DNMT3A: variants seen among roughly 807,000 people sequenced by gnomAD.
DNMT3A encodes DNA (cytosine-5)-methyltransferase 3A.
In DNMT3A, 267 loss-of-function variants were observed where a neutral mutation model predicts 117.6. The ratio of observed to expected loss-of-function variants is 2.27; its 90% confidence interval spans 2.05 to 2.51. The LOEUF is 2.51. Among genes scored for constraint, DNMT3A ranks in the 30% most tolerant of loss-of-function variants. DNMT3A has a pLI of 0.00. For missense variants in DNMT3A, 1,029 were observed against 1,260.2 expected (o/e 0.82, Z 2.78); for synonymous variants, 432 against 474.8 (o/e 0.91, Z 1.17).
At chr2:25,244,489 G>C in intron 14 of DNMT3A, 51 bp downstream of exon 14, 1 of 1,601,836 alleles carries the variant, frequency 6.2e-7, no homozygotes, top group Non-Finnish European at 8.5e-7. Context: ...GGTGGGCGGC[G>C]GGAGCCTGGG....
At chr2:25,330,410 TCAA>T (rs1057264651) in intron 1 of DNMT3A, among the ~76,000 whole-genome samples, 2 of 151,898 alleles carry the variant, frequency 1.3e-5, no homozygotes, top group Non-Finnish European at 2.9e-5. Flanking sequence ...CTTGGCAGCA[TCAA>T]CAAGAGCCCC....
Position 25,286,938 on chromosome 2 carries a change from G to A in DNMT3A, c.178-4227C>T, listed in dbSNP as rs144357711. On this transcript the variant is annotated intron_variant, in intron 3 of 22. Coordinates refer to ENST00000321117, the MANE Select transcript of DNMT3A (RefSeq NM_022552.5). This position sits in a 1 kb window ranked among gnomAD's most constrained non-coding sequence, Gnocchi z 4.3. ...CCTCTGGAGGGCAGAGACTTTGCTC[G>A]ATCTGGAGGGCAGAGACTTTGCTCG... 1.7e-4 allele frequency among the ~76,000 whole-genome samples: 26 copies of A among 152,214 alleles called. No individual in the cohort carries two copies. The highest frequency in any genetic ancestry group is 5.3e-4 in the African/African-American group (22 of 41,538).
At chr2:25,242,911 TATAA>T (rs1165629552) in intron 16 of DNMT3A, among the ~76,000 whole-genome samples, 1 of 151,450 alleles carries the variant, frequency 6.6e-6, no homozygotes. Flanking sequence ...CAGCACTACT[TATAA>T]TAATAATAAA....
At chr2:25,284,974 G>A (rs1179167745) in intron 3 of DNMT3A, among the ~76,000 whole-genome samples, 1 of 152,188 alleles carries the variant, frequency 6.6e-6, no homozygotes, top group African/African-American at 2.4e-5. Context: ...AGTGCAGATG[G>A]ATCTGGATGC....
intron 6 of DNMT3A, among the ~76,000 whole-genome samples, chr2:25,261,316 A>G (rs1383212913): frequency 6.6e-6 from 1 of 151,626 alleles, no homozygotes; most frequent in Admixed American, 6.6e-5. Context: ...GCGTGTGCCT[A>G]TAGTCCCAGC....
At chr2:25,329,676 CACACACA>C (rs2034937154) in intron 1 of DNMT3A, among the ~76,000 whole-genome samples, 2 of 33,316 alleles carry the variant, frequency 6.0e-5, no homozygotes, top group African/African-American at 1.0e-4. Context: ...GCAGACCCCA[CACACACA>C]CACACACACA....
chr2:25,306,228 T>A lies in DNMT3A; in HGVS notation c.73-5985A>T, dbSNP rs968515380. Among the ~76,000 whole-genome samples the A allele has an allele frequency of 2.6e-5, 4 of 152,194 alleles. No individual in the cohort carries two copies. Among genetic ancestry groups the A allele is most frequent in the African/African-American group, 9.7e-5 (4 of 41,440 alleles). ...ACACACACCCGTGCCCAGGCCAACC[T>A]GCAGAGGCTGATCCCAGCGTGAGGG... On this transcript the variant is annotated intron_variant, in intron 2 of 22. Coordinates refer to ENST00000321117, the MANE Select transcript of DNMT3A (RefSeq NM_022552.5). This position sits in a 1 kb window ranked among gnomAD's most constrained non-coding sequence, Gnocchi z 4.1.
At position 25,286,362 on chromosome 2, in the gene DNMT3A, C is replaced by G. The variant is rs1053772891; in HGVS notation, c.178-3651G>C. The stretch of plus-strand genomic sequence containing the variant: ...AGATGCCCCCAAAGCCAGGTGGGAG[C>G]CGGGCATGCTGGGCAGATGATGGGC... On this transcript the variant is annotated intron_variant, in intron 3 of 22. Coordinates refer to ENST00000321117, the MANE Select transcript of DNMT3A (RefSeq NM_022552.5). This position sits in a 1 kb window ranked among gnomAD's most constrained non-coding sequence, Gnocchi z 4.3. Among the ~76,000 whole-genome samples, 4 of 152,218 alleles carry G rather than the reference C, an allele frequency of 2.6e-5. No homozygotes were observed. The highest frequency in any genetic ancestry group is 4.8e-5 in the African/African-American group (2 of 41,454).
At position 25,243,931 on chromosome 2, in the gene DNMT3A, G is replaced by A. The variant is rs144689354; in HGVS notation, c.1903C>T (p.Arg635Trp). 64 of 1,551,930 alleles carry A rather than the reference G, an allele frequency of 4.1e-5. No individual in the cohort carries two copies. The highest frequency in any genetic ancestry group is 6.8e-5 in the African/African-American group (5 of 73,086). The change falls in exon 16 of 23, where the codon CGG becomes TGG. Residue 635 changes from arginine (R) to tryptophan (W), a missense_variant. Coordinates refer to ENST00000321117, the MANE Select transcript of DNMT3A (RefSeq NM_022552.5). Reference sequence around the variant, plus strand: ...ATTCCATCAAAGAGAGACAGCACCCGGATGGGCTTCCTCTTCTCAGCTGGG... The same window carrying A: ...ATTCCATCAAAGAGAGACAGCACCCAGATGGGCTTCCTCTTCTCAGCTGGG... The part of the protein sequence containing the change: ...PVPAEKRKPI[R>W]VLSLFDGIAT...
intron 1 of DNMT3A, among the ~76,000 whole-genome samples, chr2:25,325,917 A>C (rs1573499848): frequency 6.6e-6 from 1 of 152,134 alleles, no homozygotes; most frequent in East Asian, 1.9e-4. Flanking sequence ...GTCCTTTGGG[A>C]ATGAGGGTTT....
In DNMT3A at chr2:25,323,731, C is replaced by T. The variant is rs17046961; in HGVS notation, c.-177-9570G>A. ...CCCTGGAGTTCCTCTAAGTGGCCTT[C>T]GCTCAGGCAGGAGCTTGTACTTAAG... is the stretch of plus-strand genomic sequence containing the variant. On this transcript the variant is annotated intron_variant, in intron 1 of 22. Transcript: ENST00000321117. 2.4e-3 allele frequency among the ~76,000 whole-genome samples: 367 copies of T among 152,340 alleles called. 3 individuals carry two copies. Among genetic ancestry groups the T allele is most frequent in the Middle Eastern group, 0.01 (3 of 294 alleles).
rs753200125 is a variant in DNMT3A at position 25,247,114 on chromosome 2, C to A, written c.1059G>T (p.Ala353=). ...GCTTGTTGTACGTGGCCTGGTGGAACGCACTGCAAAACGAGCTCAGCGGCA... is the reference window on the plus strand; with the variant it reads ...GCTTGTTGTACGTGGCCTGGTGGAAAGCACTGCAAAACGAGCTCAGCGGCA... ...KLMPLSSFCS[A]FHQATYNKQP... The change falls in exon 9 of 23, where the codon GCG becomes GCT. Residue 353 remains alanine, a synonymous_variant. Transcript: ENST00000321117. The surrounding 1 kb of genome is among the most constrained non-coding windows in gnomAD (Gnocchi z 5.6). The A allele has an allele frequency of 2.5e-6, 4 of 1,614,100 alleles. No homozygotes were observed. The highest frequency in any genetic ancestry group is 3.4e-6 in the Non-Finnish European group (4 of 1,179,986).
chr2:25,273,701 C>T (rs558209799), intron 6 of DNMT3A, among the ~76,000 whole-genome samples: 2 of 152,310 alleles, frequency 1.3e-5, no homozygotes, highest in Admixed American at 6.5e-5. Context: ...AAGCCCTCCA[C>T]GGGCTGTTCC....
intron 6 of DNMT3A, among the ~76,000 whole-genome samples, chr2:25,261,745 C>T (rs952949809): frequency 2.0e-5 from 3 of 152,134 alleles, no homozygotes; most frequent in East Asian, 1.9e-4. Context: ...CGTTGACCCC[C>T]GGCCACCTGC....
intron 6 of DNMT3A, among the ~76,000 whole-genome samples, chr2:25,260,524 T>C (rs921538116): frequency 6.6e-6 from 1 of 152,186 alleles, no homozygotes; most frequent in Non-Finnish European, 1.5e-5. Flanking sequence ...GCGTCAAATA[T>C]ACAGGAGGCT....
At chr2:25,342,224 G>A (rs1279352262), upstream of DNMT3A, among the ~76,000 whole-genome samples, 2 of 146,922 alleles carry the variant, frequency 1.4e-5, no homozygotes, top group East Asian at 2.0e-4. This position sits in a 1 kb window ranked among gnomAD's most constrained non-coding sequence, Gnocchi z 5.9. Context: ...CGGTCCTAGC[G>A]CCCTCGGCGC....
At chr2:25,239,861 CATG>C (rs1295051311) in intron 19 of DNMT3A, among the ~76,000 whole-genome samples, 2 of 152,234 alleles carry the variant, frequency 1.3e-5, no homozygotes, top group Non-Finnish European at 2.9e-5. Flanking sequence ...CGGGGACTCA[CATG>C]ATAAGGAATG....
At chr2:25,283,600 C>A (rs1411392845) in intron 3 of DNMT3A, among the ~76,000 whole-genome samples, 1 of 152,156 alleles carries the variant, frequency 6.6e-6, no homozygotes, top group Non-Finnish European at 1.5e-5. Context: ...CTGGCCTGGG[C>A]CGCCCCAGAT....
rs547339869 is a variant in DNMT3A, at chr2:25,296,597, T to C, written c.177+3542A>G. 6.6e-6 allele frequency among the ~76,000 whole-genome samples: 1 copy of C among 152,354 alleles called. No homozygotes were observed. Among genetic ancestry groups the C allele is most frequent in the African/African-American group, 2.4e-5 (1 of 41,572 alleles). Reference sequence around the variant, plus strand: ...ACACTTGACTGAAATAGAAGGCATCTTCCTCTGGTGGCTTCCCGCACATGG... The same window carrying C: ...ACACTTGACTGAAATAGAAGGCATCCTCCTCTGGTGGCTTCCCGCACATGG... On this transcript the variant is annotated intron_variant, in intron 3 of 22. Coordinates refer to ENST00000321117, the MANE Select transcript of DNMT3A (RefSeq NM_022552.5). The surrounding 1 kb of genome is among the most constrained non-coding windows in gnomAD (Gnocchi z 4.2).
Sources: allele counts gnomAD v4.1 joint callset (sites outside exome capture counted in the v4.1 genomes callset), GRCh38; gene constraint gnomAD v4.1.1; non-coding constraint Gnocchi (gnomAD v3.1); transcripts MANE v1.5; gene names NCBI Gene and HGNC (gene_info 2026-07-23, HGNC 2026-07-21).